UACA: variants seen among roughly 807,000 people sequenced by gnomAD.
The protein encoded by UACA is uveal autoantigen with coiled-coil domains and ankyrin repeats, also known as nuclear membrane binding protein.
UACA carries 112 observed loss-of-function variants against 160.5 expected under a neutral mutation model. The observed-to-expected ratio is 0.70, with a 90% confidence interval of 0.60 to 0.82. The LOEUF is 0.82. UACA is among the 40% of genes least tolerant of loss of function. The pLI is 0.00. For missense variants in UACA, 1,574 were observed against 1,614.6 expected, an observed-to-expected ratio of 0.97 and a Z score of 0.43; for synonymous variants, 557 against 568.4, an observed-to-expected ratio of 0.98 and a Z score of 0.29.
chr15:70,658,136 T>C (rs749853734), intron 18 of UACA, among the ~76,000 whole-genome samples: 1 of 152,206 alleles, frequency 6.6e-6, no homozygotes, highest in Non-Finnish European at 1.5e-5. Context: ...CCCATATTTA[T>C]GTTTTTACGT....
intron 18 of UACA, among the ~76,000 whole-genome samples, chr15:70,658,955 C>T (rs1472961087): frequency 2.0e-5 from 3 of 152,130 alleles, no homozygotes; most frequent in African/African-American, 4.8e-5. Context: ...TTTCAAATTC[C>T]GGAAGTGCAT....
chr15:70,709,856 A>C (rs1319841352), intron 1 of UACA, among the ~76,000 whole-genome samples: 2 of 152,230 alleles, frequency 1.3e-5, no homozygotes, highest in Admixed American at 6.5e-5. Flanking sequence ...TTTAGCCTAA[A>C]GGTAATTTAT....
chr15:70,659,250 T>C (rs184373476), intron 18 of UACA, among the ~76,000 whole-genome samples: 5 of 152,136 alleles, frequency 3.3e-5, no homozygotes, highest in South Asian at 2.1e-4. Context: ...CCATTTCCTA[T>C]AGAAGAGGCA....
chr15:70,712,270 C>T (rs755796380), intron 1 of UACA, among the ~76,000 whole-genome samples: 1 of 151,964 alleles, frequency 6.6e-6, no homozygotes, highest in Non-Finnish European at 1.5e-5. Context: ...TTCCTTGGTC[C>T]CCATCACCAA....
intron 1 of UACA, among the ~76,000 whole-genome samples, chr15:70,746,097 C>T (rs1899700873): frequency 6.6e-6 from 1 of 152,100 alleles, no homozygotes; most frequent in Admixed American, 6.5e-5. Context: ...GACTAAAACA[C>T]CAAAAGCAAT....
chr15:70,674,904 C>T (rs894978034), intron 13 of UACA, among the ~76,000 whole-genome samples: 5 of 152,108 alleles, frequency 3.3e-5, no homozygotes. Flanking sequence ...TGGCCTATAC[C>T]TTACACTTAA....
Position 70,687,475 on chromosome 15 carries a change from T to A in UACA, c.602+65A>T. 3 of 1,488,250 alleles carry A rather than the reference T, an allele frequency of 2.0e-6. No individual in the cohort carries two copies. The African/African-American group carries it at 4.1e-5, about 21-fold the overall frequency. 92.2% of individuals were successfully genotyped at this position (1,488,250 alleles called of 1,614,324 possible). A position where few individuals can be genotyped will look rare whatever the true frequency, so the allele number is the denominator to read the frequency against. On this transcript the variant is annotated intron_variant, in intron 7 of 18. Transcript: ENST00000322954. The stretch of plus-strand genomic sequence containing the variant: ...CCAAGTCAGAGAACAGAGCTGCTGC[T>A]TTGACTTGGCCTTTCCATCCCTGTG...
the UACA span, among the ~76,000 whole-genome samples, chr15:70,769,290 G>C: frequency 2.4e-5 from 3 of 125,244 alleles, no homozygotes; most frequent in Admixed American, 3.4e-4. Flanking sequence ...AGTGAGCCGA[G>C]ATGACACCAC....
chr15:70,660,589 C>G (rs930343915), intron 17 of UACA: 1 of 170,482 alleles, frequency 5.9e-6, no homozygotes, highest in African/African-American at 2.4e-5. Context: ...ACTAAGGTAC[C>G]TATTTCCTCA....
At chr15:70,663,027 T>C (rs1355572106) in intron 17 of UACA, among the ~76,000 whole-genome samples, 1 of 151,802 alleles carries the variant, frequency 6.6e-6, no homozygotes, top group East Asian at 1.9e-4. Context: ...CTAATTAAAC[T>C]AAAGAGCTTC....
At position 70,666,608 on chromosome 15, in the gene UACA, A is replaced by G. The variant is rs78450224; in HGVS notation, c.3960+116T>C. The G allele has an allele frequency of 1.5e-3, 1,253 of 838,424 alleles. 5 individuals are homozygous for G. The African/African-American group carries it at 0.02, about 13-fold the overall frequency. The allele number at this position is 838,424 out of a possible 1,614,324, so 51.9% of individuals were successfully genotyped here. A position where few individuals can be genotyped will look rare whatever the true frequency, so the allele number is the denominator to read the frequency against. On this transcript the variant is annotated intron_variant, in intron 16 of 18. Transcript: ENST00000322954. Reference sequence around the variant, plus strand: ...TCGGAATTTTTGCACGCAAGTTGCTAAACTGGAAAGGGTCACTTTGTTAAT... The same window carrying G: ...TCGGAATTTTTGCACGCAAGTTGCTGAACTGGAAAGGGTCACTTTGTTAAT...
At position 70,657,258 on chromosome 15, in the gene UACA, T is replaced by C. The variant is rs190866584; in HGVS notation, c.4180-131A>G. 3.0e-4 allele frequency: 220 copies of C among 727,910 alleles called. 2 individuals are homozygous for C. The Admixed American group carries it at 4.9e-3, about 16-fold the overall frequency. The allele number at this position is 727,910 out of a possible 1,614,324, so 45.1% of individuals were successfully genotyped here. ...AATGCTAAATCCTCATCATTGTGAT[T>C]TCTAAAGGAATTACTGGAAAAGGGA... is the stretch of plus-strand genomic sequence containing the variant. On this transcript the variant is annotated intron_variant, in intron 18 of 18. Coordinates refer to ENST00000322954, the MANE Select transcript of UACA (RefSeq NM_018003.4).
intron 1 of UACA, among the ~76,000 whole-genome samples, chr15:70,744,665 A>G (rs1899647110): frequency 6.6e-6 from 1 of 152,220 alleles, no homozygotes; most frequent in Non-Finnish European, 1.5e-5. Context: ...GGGAGCAGGT[A>G]GTGTTAAGAC....
upstream of UACA, among the ~76,000 whole-genome samples, chr15:70,765,010 C>T (rs1390693340): frequency 2.0e-5 from 3 of 152,196 alleles, no homozygotes; most frequent in Non-Finnish European, 4.4e-5. Context: ...TACAAAAATA[C>T]TCCTCTTGCT....
At chr15:70,744,207 C>T (rs1899626267) in intron 1 of UACA, among the ~76,000 whole-genome samples, 1 of 148,098 alleles carries the variant, frequency 6.8e-6, no homozygotes, top group South Asian at 2.1e-4. Flanking sequence ...TGAGATTACG[C>T]CACTGCATTC....
At chr15:70,756,986 T>A (rs1466362665) in intron 1 of UACA, among the ~76,000 whole-genome samples, 1 of 152,244 alleles carries the variant, frequency 6.6e-6, no homozygotes, top group Admixed American at 6.5e-5. Context: ...CTGATGATTA[T>A]ATTTCCTCGA....
chr15:70,714,432 T>C (rs1222833778), intron 1 of UACA, among the ~76,000 whole-genome samples: 1 of 152,178 alleles, frequency 6.6e-6, no homozygotes, highest in Non-Finnish European at 1.5e-5. Context: ...TTATGCCTCA[T>C]TCACTTCTGT....
At position 70,699,524 on chromosome 15, in the gene UACA, T is replaced by C. The variant is rs1898254520; in HGVS notation, c.212+3A>G. ...ACATGCTTTTATCATCAATAATACT[T>C]ACACAGATCTGCCTTCCACATCTAG... On this transcript the variant is annotated splice_donor_region_variant and intron_variant, in intron 2 of 18. Transcript: ENST00000322954. The C allele has an allele frequency of 1.9e-6, 3 of 1,611,538 alleles. No individual in the cohort carries two copies. The highest frequency in any genetic ancestry group is 1.1e-5 in the South Asian group (1 of 90,860).
At chr15:70,760,524 A>C (rs2030683751) in intron 1 of UACA, among the ~76,000 whole-genome samples, 1 of 152,126 alleles carries the variant, frequency 6.6e-6, no homozygotes, top group African/African-American at 2.4e-5. Flanking sequence ...AATGGAAAGG[A>C]CAGGCCAGGC....
Sources: gnomAD v4.1 joint callset for allele counts (sites outside exome capture counted in the v4.1 genomes callset) on GRCh38, gnomAD v4.1.1 for gene constraint, MANE v1.5 for transcripts, NCBI Gene and HGNC (gene_info 2026-07-23, HGNC 2026-07-21) for gene names.